The following KCNK9 variants were observed in gnomAD, a reference collection of about 807,000 sequenced individuals.
KCNK9 encodes potassium two pore domain channel subfamily K member 9, also known as potassium channel subfamily K member 9.
Under a neutral mutation model 10.8 loss-of-function variants are expected in KCNK9, and 1 was observed. The observed-to-expected ratio is 0.09, with a 90% CI of 0.03 to 0.44. The LOEUF (loss-of-function observed/expected upper bound fraction) is 0.44. Ranked by LOEUF, KCNK9 falls within the 20% of genes least tolerant of loss-of-function variation. The probability of loss-of-function intolerance (pLI) is 0.97; values close to 1 mark genes in which losing one functional copy is unlikely to be tolerated. For synonymous variants in KCNK9, 231 were observed against 222.7 expected, an observed-to-expected ratio of 1.04 and a Z score of -0.33; for missense variants, 303 against 515.0, an observed-to-expected ratio of 0.59 and a Z score of 3.98.
At chr8:139,656,953 G>C (rs1209548998) in intron 1 of KCNK9, among the ~76,000 whole-genome samples, 1 of 152,122 alleles carries the variant, frequency 6.6e-6, no homozygotes, top group African/African-American at 2.4e-5. Context: ...CCCCAGTGCA[G>C]CCTCACCCCC....
Position 139,618,224 on chromosome 8 carries a change from A to T in KCNK9, c.*34T>A. 6.2e-7 allele frequency: 1 copy of T among 1,614,156 alleles called. No homozygotes were observed. The highest frequency in any genetic ancestry group is 8.5e-7 in the Non-Finnish European group (1 of 1,179,986). ...AATGGAAATTAACACCAACTATGAC[A>T]AATGACTTTTCTGTCCCATTTCCCT... On this transcript the variant is annotated 3_prime_UTR_variant, in exon 2 of 2. Coordinates refer to ENST00000520439, the MANE Select transcript of KCNK9 (RefSeq NM_001282534.2). The surrounding 1 kb of genome is among the most constrained non-coding windows in gnomAD (Gnocchi z 7.9).
At chr8:139,663,605 C>T (rs1393376383) in intron 1 of KCNK9, among the ~76,000 whole-genome samples, 2 of 151,676 alleles carry the variant, frequency 1.3e-5, no homozygotes, top group East Asian at 3.9e-4. Flanking sequence ...GAGGGAAACC[C>T]AGGCATTCAC....
In KCNK9 at chr8:139,679,996, C is replaced by T. The variant is rs371283297; in HGVS notation, c.283+22714G>A. 2.7e-3 allele frequency among the ~76,000 whole-genome samples: 418 copies of T among 152,302 alleles called. 2 individuals are homozygous for T. The highest frequency in any genetic ancestry group is 9.5e-3 in the African/African-American group (394 of 41,572). On this transcript the variant is annotated intron_variant, in intron 1 of 1. Transcript: ENST00000520439. ...GGGTGAGGTGAGTGTACTCTGTGTA[C>T]CAGGCATGGGCCTTCCTGGGTGCAT...
chr8:139,701,543 G>C (rs563010915), intron 1 of KCNK9, among the ~76,000 whole-genome samples: 5 of 152,110 alleles, frequency 3.3e-5, no homozygotes, highest in African/African-American at 9.7e-5. Flanking sequence ...GAAGAAGGGA[G>C]GGGGGAAGGA....
chr8:139,636,943 G>A (rs1563727997), intron 1 of KCNK9, among the ~76,000 whole-genome samples: 1 of 152,164 alleles, frequency 6.6e-6, no homozygotes, highest in African/African-American at 2.4e-5. Context: ...CAGTGAGAGG[G>A]CAGTATTTGT....
At chr8:139,651,195 G>A (rs1815851334) in intron 1 of KCNK9, among the ~76,000 whole-genome samples, 1 of 152,228 alleles carries the variant, frequency 6.6e-6, no homozygotes, top group South Asian at 2.1e-4. Flanking sequence ...AAATATGCCA[G>A]GTGGGGCTGG....
At chr8:139,687,384 G>T (rs11781362) in intron 1 of KCNK9, among the ~76,000 whole-genome samples, 38,581 of 87,552 alleles carry the variant, frequency 0.44, 8,954 homozygotes, top group Non-Finnish European at 0.48. Context: ...ACATATATAT[G>T]AATATATATG....
chr8:139,656,013 C>G (rs904005684), intron 1 of KCNK9, among the ~76,000 whole-genome samples: 1 of 151,218 alleles, frequency 6.6e-6, no homozygotes, highest in African/African-American at 2.4e-5. Context: ...TAGAGGCAAG[C>G]AGGGCGGCCC....
Position 139,702,318 on chromosome 8 carries a change from G to C in KCNK9, c.283+392C>G, listed in dbSNP as rs1030887014. ...CCAGCCCTCTCCAACTCCCAGAGAG[G>C]TAGTAAGTGTAAGGCTCAGAGCCCC... is the stretch of plus-strand genomic sequence containing the variant. On this transcript the variant is annotated intron_variant, in intron 1 of 1. Transcript: ENST00000520439. This position sits in a 1 kb window ranked among gnomAD's most constrained non-coding sequence, Gnocchi z 7.5. Among the ~76,000 whole-genome samples, 8 of 152,188 alleles carry C rather than the reference G, an allele frequency of 5.3e-5. No homozygotes were observed. The highest frequency in any genetic ancestry group is 5.2e-4 in the Admixed American group (8 of 15,288).
intron 1 of KCNK9, among the ~76,000 whole-genome samples, chr8:139,655,206 C>G (rs888434959): frequency 6.6e-6 from 1 of 152,118 alleles, no homozygotes; most frequent in Non-Finnish European, 1.5e-5. Context: ...CTCGGGTTGT[C>G]AAGAAGCCTG....
chr8:139,682,258 T>C (rs1047799169), intron 1 of KCNK9, among the ~76,000 whole-genome samples: 2 of 152,330 alleles, frequency 1.3e-5, no homozygotes, highest in African/African-American at 4.8e-5. Context: ...TCCATGCCTA[T>C]GTTCATTCAA....
intron 1 of KCNK9, among the ~76,000 whole-genome samples, chr8:139,634,466 A>G (rs1815276389): frequency 6.6e-6 from 1 of 152,040 alleles, no homozygotes; most frequent in South Asian, 2.1e-4. Flanking sequence ...CCGCAGGTCC[A>G]CTGGTGCTGG....
Position 139,638,505 on chromosome 8 carries a change from G to A in KCNK9, c.284-19406C>T, listed in dbSNP as rs190210314. ...CCTTCACTGTTCAACACCTTCCATG[G>A]TTGCATTCAACTCAAACCAGAGCAG... On this transcript the variant is annotated intron_variant, in intron 1 of 1. Coordinates refer to ENST00000520439, the MANE Select transcript of KCNK9 (RefSeq NM_001282534.2). Among the ~76,000 whole-genome samples, 235 of 152,320 alleles carry A rather than the reference G, an allele frequency of 1.5e-3. 4 individuals are homozygous for A. Among genetic ancestry groups the A allele is most frequent in the Non-Finnish European group, 1.2e-3 (82 of 68,038 alleles).
At chr8:139,656,747 G>T (rs1054457692) in intron 1 of KCNK9, among the ~76,000 whole-genome samples, 2 of 151,888 alleles carry the variant, frequency 1.3e-5, no homozygotes, top group Admixed American at 1.3e-4. Flanking sequence ...TAGTTTCCAT[G>T]CAGAAGCCTA....
chr8:139,625,105 C>T (rs762690166), intron 1 of KCNK9, among the ~76,000 whole-genome samples: 15 of 152,168 alleles, frequency 9.9e-5, no homozygotes, highest in Non-Finnish European at 1.6e-4. Flanking sequence ...AGAGCTGGGC[C>T]ATGCAGCCTC....
rs373634103 is a variant in KCNK9 at position 139,644,723 on chromosome 8, C to CA, written c.284-25625_284-25624insT. On this transcript the variant is annotated intron_variant, in intron 1 of 1. Coordinates refer to ENST00000520439, the MANE Select transcript of KCNK9 (RefSeq NM_001282534.2). ...GGGGTGCTCCTGCCCTGTCCCCCCC[C>CA]CCCAGAGCCTCCCACTGCCCTCTGG... Among the ~76,000 whole-genome samples, 10 of 150,368 alleles carry CA rather than the reference C, an allele frequency of 6.7e-5. 1 individual carries two copies. The highest frequency in any genetic ancestry group is 4.0e-4 in the East Asian group (2 of 5,030).
At chr8:139,683,968 C>T (rs1205207963) in intron 1 of KCNK9, among the ~76,000 whole-genome samples, 1 of 152,218 alleles carries the variant, frequency 6.6e-6, no homozygotes, top group Non-Finnish European at 1.5e-5. Flanking sequence ...ACCCTTCTGA[C>T]CTTTGCCCCC....
At position 139,620,479 on chromosome 8, in the gene KCNK9, C is replaced by T. The variant is rs139577207; in HGVS notation, c.284-1380G>A. ...AGCTCCGAGCCAAGAGTCTGATACA[C>T]AGTAGGGACCTACCAGACCCCAGGA... is the stretch of plus-strand genomic sequence containing the variant. On this transcript the variant is annotated intron_variant, in intron 1 of 1. Transcript: ENST00000520439. Among the ~76,000 whole-genome samples, 258 of 152,212 alleles carry T rather than the reference C, an allele frequency of 1.7e-3. 3 individuals are homozygous for T. The highest frequency in any genetic ancestry group is 5.9e-3 in the African/African-American group (245 of 41,538).
intron 1 of KCNK9, among the ~76,000 whole-genome samples, chr8:139,681,854 C>A (rs1018096737): frequency 6.6e-6 from 1 of 152,200 alleles, no homozygotes; most frequent in Non-Finnish European, 1.5e-5. Flanking sequence ...GCATCTTATG[C>A]GGCCTGGACA....
Sources: allele counts gnomAD v4.1 joint callset (sites outside exome capture counted in the v4.1 genomes callset), GRCh38; gene constraint gnomAD v4.1.1; non-coding constraint Gnocchi (gnomAD v3.1); transcripts MANE v1.5; gene names NCBI Gene and HGNC (gene_info 2026-07-23, HGNC 2026-07-21).